STIM2: variants seen among roughly 807,000 people sequenced by gnomAD.
STIM2 encodes the protein stromal interaction molecule 2.
In STIM2, 31 loss-of-function variants were observed where a neutral mutation model predicts 85.8. The observed-to-expected ratio is 0.36, with a 90% confidence interval of 0.27 to 0.49. The LOEUF (loss-of-function observed/expected upper bound fraction) is 0.49. Among genes scored for constraint, STIM2 ranks in the 20% least tolerant of loss-of-function variants. The pLI is 0.98. For missense variants in STIM2, 841 were observed against 927.6 expected, an observed-to-expected ratio of 0.91 and a Z score of 1.21; for synonymous variants, 356 against 331.1, an observed-to-expected ratio of 1.08 and a Z score of -0.82.
chr4:26,991,808 G>C (rs1205244625), intron 3 of STIM2, among the ~76,000 whole-genome samples: 1 of 152,044 alleles, frequency 6.6e-6, no homozygotes, highest in African/African-American at 2.4e-5. Context: ...CCATTCCAGA[G>C]TTCTTTTCAT....
chr4:26,877,744 A>G (rs1001030522), intron 1 of STIM2, among the ~76,000 whole-genome samples: 1 of 151,996 alleles, frequency 6.6e-6, no homozygotes, highest in African/African-American at 2.4e-5. Context: ...CTTTAGATGG[A>G]CTGAGTGGTG....
chr4:26,897,278 C>G (rs929195897), intron 1 of STIM2, among the ~76,000 whole-genome samples: 1 of 152,194 alleles, frequency 6.6e-6, no homozygotes, highest in Non-Finnish European at 1.5e-5. Context: ...TCTCTGCATC[C>G]TCACCAGCAT....
chr4:26,973,741 A>T (rs1727069459), intron 3 of STIM2, among the ~76,000 whole-genome samples: 1 of 152,128 alleles, frequency 6.6e-6, no homozygotes, highest in African/African-American at 2.4e-5. Flanking sequence ...AGTTCTGTAG[A>T]TGTCTATTAG....
intron 1 of STIM2, among the ~76,000 whole-genome samples, chr4:26,898,241 C>G (rs781628834): frequency 6.6e-6 from 1 of 152,136 alleles, no homozygotes; most frequent in Non-Finnish European, 1.5e-5. Context: ...TTAACTTGTT[C>G]TATCTCATTT....
intron 1 of STIM2, among the ~76,000 whole-genome samples, chr4:26,897,671 CTG>C (rs1483070980): frequency 2.6e-5 from 4 of 152,280 alleles, no homozygotes; most frequent in East Asian, 1.9e-4. Context: ...CATTTGAAAA[CTG>C]TAACCACAAG....
chr4:26,942,285 T>A (rs1577452586), intron 2 of STIM2, among the ~76,000 whole-genome samples: 1 of 152,180 alleles, frequency 6.6e-6, no homozygotes, highest in African/African-American at 2.4e-5. Flanking sequence ...ATCCCTACTC[T>A]AAGGCAGTCC....
intron 4 of STIM2, among the ~76,000 whole-genome samples, chr4:26,998,858 G>C (rs1482603162): frequency 6.6e-6 from 1 of 151,350 alleles, no homozygotes; most frequent in Non-Finnish European, 1.5e-5. Context: ...GTTGCAGAGA[G>C]CCGAGATCGA....
chr4:26,948,501 G>A (rs953557362), intron 2 of STIM2, among the ~76,000 whole-genome samples: 6 of 152,166 alleles, frequency 3.9e-5, no homozygotes, highest in Admixed American at 1.3e-4. Flanking sequence ...AGTGGCGTAC[G>A]CCTGAAATCC....
chr4:26,993,115 G>A (rs2109123630), intron 3 of STIM2, among the ~76,000 whole-genome samples: 1 of 152,250 alleles, frequency 6.6e-6, no homozygotes, highest in African/African-American at 2.4e-5. Context: ...GATTTTGTGT[G>A]GGCGTGTGAG....
chr4:27,021,934 ATGTC>A lies in STIM2; in HGVS notation c.1764-581_1764-578del, dbSNP rs1326884851. ...TAAGAATGCTGTGAGAATTTACTGA[ATGTC>A]TGTTTTTTTTAAAAATAGCATCATA... On this transcript the variant is annotated intron_variant, in intron 11 of 11. Coordinates refer to ENST00000467087, the MANE Select transcript of STIM2 (RefSeq NM_020860.4). Among the ~76,000 whole-genome samples, 13 of 152,260 alleles carry A rather than the reference ATGTC, an allele frequency of 8.5e-5. No homozygotes were observed. In the East Asian group the frequency reaches 2.5e-3, roughly 29 times the overall value.
At chr4:26,943,550 C>T (rs1041712190) in intron 2 of STIM2, among the ~76,000 whole-genome samples, 1 of 152,214 alleles carries the variant, frequency 6.6e-6, no homozygotes, top group South Asian at 2.1e-4. Flanking sequence ...GTTCCATGTC[C>T]AGCTTGTACA....
chr4:27,016,734 A>G (rs1322962685), intron 10 of STIM2, among the ~76,000 whole-genome samples: 2 of 152,226 alleles, frequency 1.3e-5, no homozygotes, highest in African/African-American at 4.8e-5. Context: ...TCATTATTCC[A>G]ATACCTAACG....
In STIM2 at chr4:27,022,709, G is replaced by A. The variant is rs757398904; in HGVS notation, c.1954G>A (p.Asp652Asn). The A allele has an allele frequency of 3.7e-5, 60 of 1,614,188 alleles. No homozygotes were observed. The highest frequency in any genetic ancestry group is 3.5e-4 in the African/African-American group (26 of 75,048). The change falls in exon 12 of 12, where the codon GAC becomes AAC. Residue 652 changes from aspartate (D) to asparagine (N), a missense_variant. This residue lies in a region of STIM2 where 293 missense variants were observed against 284.5 expected (regional missense o/e 1.03). Transcript: ENST00000467087. Reference sequence around the variant, plus strand: ...TGTGGATGTGTCTTGGGGTTCTCCCGACTGTGTAGGTCTGACAGAAACTAA... The same window carrying A: ...TGTGGATGTGTCTTGGGGTTCTCCCAACTGTGTAGGTCTGACAGAAACTAA...
chr4:27,003,166 G>C (rs1437936614), intron 7 of STIM2, 62 bp downstream of exon 7: 39 of 1,476,054 alleles, frequency 2.6e-5, no homozygotes, highest in Non-Finnish European at 3.3e-5. Context: ...TGAGGAGCCA[G>C]GTCCTGTTTT....
At chr4:26,950,642 C>T (rs1465753879) in intron 2 of STIM2, among the ~76,000 whole-genome samples, 1 of 152,132 alleles carries the variant, frequency 6.6e-6, no homozygotes, top group Non-Finnish European at 1.5e-5. Context: ...TTTGGACTTC[C>T]CAGCCTCCAG....
chr4:26,950,082 G>A (rs541590528), intron 2 of STIM2, among the ~76,000 whole-genome samples: 2 of 152,134 alleles, frequency 1.3e-5, no homozygotes, highest in South Asian at 4.2e-4. Flanking sequence ...TAATTACCTG[G>A]CCTTCCATAT....
chr4:27,015,079 G>C (rs1728689703), intron 10 of STIM2, among the ~76,000 whole-genome samples: 1 of 151,836 alleles, frequency 6.6e-6, no homozygotes, highest in African/African-American at 2.4e-5. Context: ...GAAAATAGCA[G>C]TAACTGGTTT....
intron 10 of STIM2, 114 bp downstream of exon 10, chr4:27,009,116 T>G: frequency 2.5e-6 from 2 of 794,594 alleles, no homozygotes; most frequent in East Asian, 5.0e-5. Context: ...GGTTTATCCT[T>G]CATTTTCTCT....
Position 27,017,861 on chromosome 4 carries a change from C to G in STIM2, c.1640C>G (p.Pro547Arg). The change falls in exon 11 of 12, where the codon CCG (proline) becomes CGG (arginine). Residue 547 changes from proline (P) to arginine (R), a missense_variant. Physicochemically the swap from Pro to Arg is moderately radical, Grantham distance 103. This residue lies in a region of STIM2 where 293 missense variants were observed against 284.5 expected (regional missense o/e 1.03). Coordinates refer to ENST00000467087, the MANE Select transcript of STIM2 (RefSeq NM_020860.4). ...TCACACCCTCGGCACCCTCACCACC[C>G]GCAACACACACCACACTCCTTGCCT... The G allele has an allele frequency of 6.2e-7, 1 of 1,614,160 alleles. No homozygotes were observed. Among genetic ancestry groups the G allele is most frequent in the Non-Finnish European group, 8.5e-7 (1 of 1,180,028 alleles).
Sources: allele counts gnomAD v4.1 joint callset (sites outside exome capture counted in the v4.1 genomes callset), GRCh38; gene constraint gnomAD v4.1.1; regional missense constraint gnomAD v4.1.1; transcripts MANE v1.5; gene names NCBI Gene and HGNC (gene_info 2026-07-23, HGNC 2026-07-21).